Variants in CCDC192 observed in about 807,000 individuals in gnomAD.
The protein encoded by CCDC192 is coiled-coil domain-containing protein 192.
At chr5:127,769,723 G>C (rs930892398) in intron 3 of CCDC192, among the ~76,000 whole-genome samples, 3 of 152,156 alleles carry the variant, frequency 2.0e-5, no homozygotes, top group African/African-American at 7.2e-5. Context: ...ATATTTTATT[G>C]TGAGGTTGAA....
At chr5:127,858,278 C>T (rs552542053) in intron 5 of CCDC192, among the ~76,000 whole-genome samples, 12 of 152,292 alleles carry the variant, frequency 7.9e-5, no homozygotes, top group Middle Eastern at 3.4e-3. Flanking sequence ...TCTCTCTGCC[C>T]GAGGCCCTCT....
intron 1 of CCDC192, 113 bp downstream of exon 1, chr5:127,703,620 A>G (rs1197446124): frequency 2.6e-6 from 1 of 389,838 alleles, no homozygotes; most frequent in Non-Finnish European, 4.5e-6. Flanking sequence ...GAATAACAGC[A>G]GACAGACTTT....
intron 6 of CCDC192, among the ~76,000 whole-genome samples, chr5:127,921,173 A>G (rs921996293): frequency 2.7e-5 from 3 of 112,168 alleles, no homozygotes; most frequent in African/African-American, 1.3e-4. Context: ...AGAAAAGAAA[A>G]GAAAAGAAGG....
At chr5:127,882,853 C>G (rs1752411966) in intron 6 of CCDC192, among the ~76,000 whole-genome samples, 1 of 151,320 alleles carries the variant, frequency 6.6e-6, no homozygotes, top group Non-Finnish European at 1.5e-5. Flanking sequence ...TCACCTTTTC[C>G]TCTTCTAATT....
At chr5:127,713,234 C>CAA (rs1405311583) in intron 2 of CCDC192, among the ~76,000 whole-genome samples, 1 of 139,510 alleles carries the variant, frequency 7.2e-6, no homozygotes, top group Admixed American at 7.1e-5. Flanking sequence ...AACTCTATCT[C>CAA]AAAAAAAAAA....
intron 3 of CCDC192, chr5:127,785,252 G>A (rs1008195031): frequency 6.3e-5 from 32 of 508,814 alleles, no homozygotes; most frequent in Admixed American, 4.6e-4. Flanking sequence ...GTGAATTGCC[G>A]ATAACTACAT....
intron 5 of CCDC192, among the ~76,000 whole-genome samples, chr5:127,832,423 G>A (rs1045594389): frequency 5.3e-5 from 8 of 152,090 alleles, no homozygotes; most frequent in South Asian, 2.1e-4. Flanking sequence ...CAGAAGAATC[G>A]CTGCAAAATG....
intron 5 of CCDC192, among the ~76,000 whole-genome samples, chr5:127,859,545 GT>G (rs35646808): frequency 0.7 from 106,458 of 151,672 alleles, 37,475 homozygotes; most frequent in African/African-American, 0.76. Flanking sequence ...CATTTTAAAG[GT>G]TTTTTTTTGT....
At chr5:127,764,618 T>C (rs551937452) in intron 3 of CCDC192, among the ~76,000 whole-genome samples, 4 of 152,310 alleles carry the variant, frequency 2.6e-5, no homozygotes, top group South Asian at 2.1e-4. Context: ...TTGGATATTA[T>C]GTCAGATCCT....
At chr5:127,854,619 T>G (rs1447816745) in intron 5 of CCDC192, among the ~76,000 whole-genome samples, 1 of 152,140 alleles carries the variant, frequency 6.6e-6, no homozygotes, top group African/African-American at 2.4e-5. Flanking sequence ...AAGGGGTGAC[T>G]CCTGCATATC....
chr5:127,920,347 G>C (rs955073621), intron 6 of CCDC192, among the ~76,000 whole-genome samples: 12 of 149,946 alleles, frequency 8.0e-5, no homozygotes, highest in Admixed American at 6.0e-4. Context: ...CAATGATGAT[G>C]ATCATCATTA....
In CCDC192 at chr5:127,749,656, T is replaced by G. The variant is rs564528127; in HGVS notation, c.115-4612T>G. On this transcript the variant is annotated intron_variant, in intron 2 of 6. Coordinates refer to ENST00000514853, the MANE Select transcript of CCDC192 (RefSeq NM_001317938.2). ...ATGAGTTAGGGAGGATTCCCTCTTT[T>G]TCTATTGATTGGAATAGTTTCAGAA... 3.8e-3 allele frequency among the ~76,000 whole-genome samples: 578 copies of G among 152,276 alleles called. 4 individuals carry two copies. The highest frequency in any genetic ancestry group is 0.013 in the African/African-American group (546 of 41,540).
chr5:127,754,407 G>C (rs1409929864), intron 3 of CCDC192, 32 bp downstream of exon 3: 1 of 396,314 alleles, frequency 2.5e-6, no homozygotes, highest in Non-Finnish European at 4.4e-6. Flanking sequence ...GGAAACAAAT[G>C]TTCCTCAGTG....
chr5:127,911,518 A>G (rs1294675501), intron 6 of CCDC192, among the ~76,000 whole-genome samples: 2 of 152,162 alleles, frequency 1.3e-5, no homozygotes, highest in African/African-American at 2.4e-5. Flanking sequence ...TCTTCTCAGC[A>G]CCATAAGTTC....
chr5:127,919,772 A>C (rs60836524), intron 6 of CCDC192, among the ~76,000 whole-genome samples: 6,462 of 152,238 alleles, frequency 0.042, 450 homozygotes, highest in African/African-American at 0.14. Flanking sequence ...TCCCTCTGCT[A>C]TTCTATCTCA....
chr5:127,861,236 G>A (rs932663386), intron 5 of CCDC192, among the ~76,000 whole-genome samples: 16 of 151,922 alleles, frequency 1.1e-4, no homozygotes, highest in African/African-American at 3.4e-4. Flanking sequence ...TTGAACTCCT[G>A]ACCTCAGGTG....
chr5:127,809,900 G>C (rs2126997412), intron 5 of CCDC192, among the ~76,000 whole-genome samples: 2 of 152,244 alleles, frequency 1.3e-5, no homozygotes, highest in South Asian at 4.1e-4. Flanking sequence ...ATTTGTAAAT[G>C]TTTTCAACTG....
At chr5:127,710,206 T>C (rs1751242894) in intron 2 of CCDC192, among the ~76,000 whole-genome samples, 1 of 152,190 alleles carries the variant, frequency 6.6e-6, no homozygotes, top group African/African-American at 2.4e-5. Flanking sequence ...GTGGTGGGGA[T>C]ATCCATGATT....
At chr5:127,723,572 T>C (rs1435974251) in intron 2 of CCDC192, among the ~76,000 whole-genome samples, 1 of 152,218 alleles carries the variant, frequency 6.6e-6, no homozygotes, top group Non-Finnish European at 1.5e-5. Flanking sequence ...ATTGCTATGA[T>C]CTGAAGAAAA....
Sources: gnomAD v4.1 joint callset for allele counts (sites outside exome capture counted in the v4.1 genomes callset) on GRCh38, gnomAD v4.1.1 for gene constraint, MANE v1.5 for transcripts, NCBI Gene and HGNC (gene_info 2026-07-23, HGNC 2026-07-21) for gene names.